REEP3: variants seen among roughly 807,000 people sequenced by gnomAD.
The protein encoded by REEP3 is receptor accessory protein 3.
A neutral mutation model predicts 41.3 loss-of-function variants in REEP3; 20 were observed. The ratio of observed to expected loss-of-function variants is 0.48; its 90% CI spans 0.34 to 0.70. REEP3 has a LOEUF of 0.70. REEP3 is among the 30% of genes least tolerant of loss of function. The pLI is 0.01. For missense variants in REEP3, 271 were observed against 308.8 expected (o/e 0.88, Z 0.92); for synonymous variants, 104 against 101.8 (o/e 1.02, Z -0.13).
At chr10:63,618,237 CTTTTTT>C (rs60115766) in intron 6 of REEP3, among the ~76,000 whole-genome samples, 1 of 66,576 alleles carries the variant, frequency 1.5e-5, no homozygotes, top group African/African-American at 5.8e-5. Flanking sequence ...TTTCCTTCTT[CTTTTTT>C]TTTTTTTTTT....
At chr10:63,577,308 A>G (rs533908365) in intron 2 of REEP3, among the ~76,000 whole-genome samples, 2 of 152,276 alleles carry the variant, frequency 1.3e-5, no homozygotes, top group African/African-American at 4.8e-5. Context: ...GAGAATAAAC[A>G]TAAGGGTTTC....
chr10:63,579,617 T>C (rs1955930787), intron 2 of REEP3, among the ~76,000 whole-genome samples: 1 of 152,194 alleles, frequency 6.6e-6, no homozygotes, highest in African/African-American at 2.4e-5. Context: ...TTGGAAAACA[T>C]ACACATAGAA....
At chr10:63,529,613 C>A (rs1234084722) in intron 1 of REEP3, among the ~76,000 whole-genome samples, 1 of 152,050 alleles carries the variant, frequency 6.6e-6, no homozygotes, top group Non-Finnish European at 1.5e-5. Context: ...GAGGCATGCA[C>A]TACCACACCC....
intron 1 of REEP3, among the ~76,000 whole-genome samples, chr10:63,532,453 G>A (rs1049769524): frequency 1.3e-5 from 2 of 152,044 alleles, no homozygotes; most frequent in Non-Finnish European, 1.5e-5. Flanking sequence ...ATGAGGCCAG[G>A]AGATCAAGAC....
intron 1 of REEP3, among the ~76,000 whole-genome samples, chr10:63,549,428 C>T (rs1288169156): frequency 6.6e-6 from 1 of 152,138 alleles, no homozygotes; most frequent in African/African-American, 2.4e-5. Context: ...GTTAGCTAGC[C>T]ATGGTGGCCC....
chr10:63,532,821 C>G (rs979315726), intron 1 of REEP3, among the ~76,000 whole-genome samples: 10 of 152,066 alleles, frequency 6.6e-5, no homozygotes, highest in African/African-American at 2.4e-4. Flanking sequence ...GGAAGGATCC[C>G]TTGAGCCCAG....
At chr10:63,557,839 C>T (rs1955703695) in intron 1 of REEP3, among the ~76,000 whole-genome samples, 1 of 152,008 alleles carries the variant, frequency 6.6e-6, no homozygotes, top group Non-Finnish European at 1.5e-5. Flanking sequence ...GTTCTGAGGA[C>T]CACAAGTGTT....
At chr10:63,602,986 T>C (rs1177718941) in intron 5 of REEP3, among the ~76,000 whole-genome samples, 1 of 152,128 alleles carries the variant, frequency 6.6e-6, no homozygotes, top group Non-Finnish European at 1.5e-5. Flanking sequence ...ATTTTATTTC[T>C]AACTGAAAAT....
At chr10:63,533,907 C>T (rs1955450177) in intron 1 of REEP3, among the ~76,000 whole-genome samples, 1 of 151,744 alleles carries the variant, frequency 6.6e-6, no homozygotes, top group Admixed American at 6.6e-5. Flanking sequence ...AAGGTTTCAC[C>T]ATGTTGGCCG....
intron 1 of REEP3, among the ~76,000 whole-genome samples, chr10:63,529,835 A>G (rs1955403547): frequency 6.6e-6 from 1 of 150,550 alleles, no homozygotes; most frequent in East Asian, 2.0e-4. Context: ...CTGGAGTGCA[A>G]TGGCGCAATC....
At chr10:63,555,253 T>C (rs773839495) in intron 1 of REEP3, among the ~76,000 whole-genome samples, 31 of 152,224 alleles carry the variant, frequency 2.0e-4, no homozygotes, top group Non-Finnish European at 2.6e-4. Context: ...GGGGCTGTTG[T>C]TGTTTTTTTC....
intron 1 of REEP3, among the ~76,000 whole-genome samples, chr10:63,523,613 G>C (rs1213907066): frequency 2.0e-5 from 3 of 152,130 alleles, no homozygotes; most frequent in Non-Finnish European, 4.4e-5. Context: ...TCCAGCCTGG[G>C]CCACAGAGTG....
At chr10:63,556,761 A>T (rs1383723769) in intron 1 of REEP3, among the ~76,000 whole-genome samples, 1 of 144,648 alleles carries the variant, frequency 6.9e-6, no homozygotes, top group East Asian at 2.0e-4. Flanking sequence ...TCAGCCTCCC[A>T]AGTAGCTGGG....
chr10:63,538,054 A>T (rs188528339), intron 1 of REEP3, among the ~76,000 whole-genome samples: 42 of 151,120 alleles, frequency 2.8e-4, no homozygotes, highest in African/African-American at 9.0e-4. Flanking sequence ...GAAAATGTCT[A>T]AAAAATGTGT....
Position 63,566,405 on chromosome 10 carries a change from G to C in REEP3, c.100G>C (p.Glu34Gln), listed in dbSNP as rs1955799776. 6.7e-7 allele frequency: 1 copy of C among 1,493,636 alleles called. No homozygotes were observed. The highest frequency in any genetic ancestry group is 1.4e-5 in the African/African-American group (1 of 72,146). 92.5% of individuals were successfully genotyped at this position (1,493,636 alleles called of 1,614,324 possible). Residue 34 changes from glutamate to glutamine, a missense_variant, in exon 2 of 8, where the codon GAA becomes CAA. Coordinates refer to ENST00000373758, the MANE Select transcript of REEP3 (RefSeq NM_001001330.3). Reference sequence around the variant, plus strand: ...AGCTGTGAAAACAAAAAACGTGAAGGAATATGTAAGTATAGTTTTATGAGT... The same window carrying C: ...AGCTGTGAAAACAAAAAACGTGAAGCAATATGTAAGTATAGTTTTATGAGT... The part of the protein sequence containing the change: ...YKAVKTKNVK[E>Q]YVRWMMYWIV...
At chr10:63,598,166 C>A in intron 4 of REEP3, 22 bp downstream of exon 4, 1 of 1,528,748 alleles carries the variant, frequency 6.5e-7, no homozygotes, top group Non-Finnish European at 8.9e-7. Context: ...AAATTACTTC[C>A]GTAAATAATT....
At chr10:63,591,678 CAT>C (rs1956065507) in intron 2 of REEP3, among the ~76,000 whole-genome samples, 1 of 152,168 alleles carries the variant, frequency 6.6e-6, no homozygotes, top group African/African-American at 2.4e-5. Flanking sequence ...TTTTAAAGCA[CAT>C]ATTTATTTTG....
Position 63,624,917 on chromosome 10 carries a change from GT to G in REEP3, c.*4050del, listed in dbSNP as rs1956384974. On this transcript the variant is annotated 3_prime_UTR_variant, in exon 8 of 8. Coordinates refer to ENST00000373758, the MANE Select transcript of REEP3 (RefSeq NM_001001330.3). The stretch of plus-strand genomic sequence containing the variant: ...GTTCTGGGGTTCCATCTGTTTTAAA[GT>G]TAGACGTCTGTCTGCCTCACATTTA... 1 of 152,084 alleles carries G rather than the reference GT, an allele frequency of 6.6e-6. No individual in the cohort carries two copies. Among genetic ancestry groups the G allele is most frequent in the Non-Finnish European group, 1.5e-5 (1 of 67,976 alleles). 9.4% of individuals were successfully genotyped at this position (152,084 alleles called of 1,614,324 possible).
intron 1 of REEP3, among the ~76,000 whole-genome samples, chr10:63,525,133 G>A (rs941498020): frequency 3.3e-5 from 5 of 152,194 alleles, no homozygotes; most frequent in African/African-American, 1.2e-4. Flanking sequence ...TTTTATGAGG[G>A]AAGTGAGTAA....
Sources: gnomAD v4.1 joint callset for allele counts (sites outside exome capture counted in the v4.1 genomes callset) on GRCh38, gnomAD v4.1.1 for gene constraint, MANE v1.5 for transcripts, NCBI Gene and HGNC (gene_info 2026-07-23, HGNC 2026-07-21) for gene names.